MACF1: variants seen among roughly 807,000 people sequenced by gnomAD.
MACF1 encodes the protein microtubule actin crosslinking factor 1, also known as microtubule-actin cross-linking factor 1.
MACF1 carries 193 observed loss-of-function variants against 854.8 expected under a neutral mutation model. That is an observed-to-expected ratio of 0.23 (90% CI 0.20 to 0.25). The LOEUF is 0.25. Ranked by LOEUF, MACF1 falls within the 10% of genes least tolerant of loss-of-function variation. The pLI is 1.00. For missense variants in MACF1, 7,722 were observed against 8,929.1 expected (o/e 0.86, Z 5.45); for synonymous variants, 3,185 against 3,226.7 (o/e 0.99, Z 0.44).
At position 39,387,718 on chromosome 1, in the gene MACF1, T is replaced by C; in HGVS notation, c.14876T>C (p.Leu4959Pro). 1 of 1,614,172 alleles carries C rather than the reference T, an allele frequency of 6.2e-7. No individual in the cohort carries two copies. Among genetic ancestry groups the C allele is most frequent in the Non-Finnish European group, 8.5e-7 (1 of 1,180,032 alleles). The change falls in exon 58 of 101, where the codon CTG becomes CCG. Residue 4959 changes from leucine (L) to proline (P), a missense_variant. Coordinates refer to ENST00000564288, the MANE Select transcript of MACF1 (RefSeq NM_001394062.1). The stretch of plus-strand genomic sequence containing the variant: ...GAGGTGGAGAAGCGCCGCTCCCTGC[T>C]GGAAATATTGAATAGTGCTGCTGAC... Reference protein sequence around the residue: ...LNEVEKRRSLLEILNSAADIL... With the variant: ...LNEVEKRRSLPEILNSAADIL...
In MACF1 at chr1:39,484,408, C is replaced by T. The variant is rs1775654; in HGVS notation, c.22282-193C>T. Among the ~76,000 whole-genome samples, 40,315 of 151,460 alleles carry T rather than the reference C, an allele frequency of 0.27. 5,636 individuals carry two copies. Among genetic ancestry groups the T allele is most frequent in the East Asian group, 0.47 (2,427 of 5,156 alleles). On this transcript the variant is annotated intron_variant, in intron 99 of 100. Transcript: ENST00000564288. ...GACATTTTGAAATTTTTATTTGGAA[C>T]ATAAAACTTTGATTTTGGGAATTAT...
At chr1:39,086,679 G>A (rs1053049333) in intron 2 of MACF1, among the ~76,000 whole-genome samples, 3 of 152,182 alleles carry the variant, frequency 2.0e-5, no homozygotes, top group South Asian at 2.1e-4. Context: ...GGAGGCCCAC[G>A]GGATGATTTG....
chr1:39,144,654 G>T (rs1643422906), intron 2 of MACF1, among the ~76,000 whole-genome samples: 2 of 36,808 alleles, frequency 5.4e-5, no homozygotes, highest in Admixed American at 4.3e-4. Flanking sequence ...ATCAATTTTG[G>T]TCTTTTTTTT....
intron 2 of MACF1, chr1:39,120,985 G>C (rs1642692632): frequency 1.3e-5 from 2 of 152,276 alleles, no homozygotes; most frequent in African/African-American, 4.8e-5. Flanking sequence ...CCTTGTGCAG[G>C]GGCCTCCCTA....
chr1:39,300,245 C>A lies in MACF1; in HGVS notation c.2517C>A (p.Ser839=), dbSNP rs1202269669. 6.2e-7 allele frequency: 1 copy of A among 1,613,878 alleles called. No individual in the cohort carries two copies. Among genetic ancestry groups the A allele is most frequent in the Non-Finnish European group, 8.5e-7 (1 of 1,179,948 alleles). ...AGCAGCTTATACAGTCCAAGAGTTC[C>A]GTTGCCAGTCTCGTTGGGAGATCAA... is the stretch of plus-strand genomic sequence containing the variant. ...EKEQLIQSKS[S]VASLVGRSKT... The change falls in exon 22 of 101, where the codon TCC becomes TCA. Residue 839 remains serine, a synonymous_variant. Coordinates refer to ENST00000564288, the MANE Select transcript of MACF1 (RefSeq NM_001394062.1).
At chr1:39,433,630 C>A (rs1420686702) in intron 68 of MACF1, among the ~76,000 whole-genome samples, 1 of 152,118 alleles carries the variant, frequency 6.6e-6, no homozygotes, top group Non-Finnish European at 1.5e-5. Flanking sequence ...CAGAAATATT[C>A]ATAAACTGAC....
In MACF1 at chr1:39,388,595, G is replaced by T. The variant is rs947694801; in HGVS notation, c.15753G>T (p.Glu5251Asp). Residue 5251 changes from glutamate (E) to aspartate (D), a missense_variant, in exon 58 of 101, where the codon GAG becomes GAT. Physicochemically the swap from Glu to Asp is conservative, Grantham distance 45. Around this residue, in one of 15 missense-constraint regions of MACF1, gnomAD observed 2,807 missense variants for 3,235.8 expected, o/e 0.87. Coordinates refer to ENST00000564288, the MANE Select transcript of MACF1 (RefSeq NM_001394062.1). ...NDATTAAEEA[E>D]ALQWVVGTEV... ...CGACCACAGCAGCAGAGGAGGCAGA[G>T]GCCCTCCAGTGGGTAGTGGGGACCG... 6.2e-7 allele frequency: 1 copy of T among 1,613,136 alleles called. No homozygotes were observed. The highest frequency in any genetic ancestry group is 8.5e-7 in the Non-Finnish European group (1 of 1,179,786).
chr1:39,388,097 T>A lies in MACF1; in HGVS notation c.15255T>A (p.Asp5085Glu). The change falls in exon 58 of 101, where the codon GAT becomes GAA. Residue 5085 changes from aspartate (D) to glutamate (E), a missense_variant. This residue lies in a region of MACF1 where 2,807 missense variants were observed against 3,235.8 expected (regional missense o/e 0.87). Coordinates refer to ENST00000564288, the MANE Select transcript of MACF1 (RefSeq NM_001394062.1). ...GLVEDAPDGS[D>E]ASQLLHQAEV... Reference sequence around the variant, plus strand: ...TAGAAGATGCCCCAGATGGATCTGATGCTTCTCAACTTCTCCACCAAGCTG... The same window carrying A: ...TAGAAGATGCCCCAGATGGATCTGAAGCTTCTCAACTTCTCCACCAAGCTG... The A allele has an allele frequency of 1.2e-6, 2 of 1,614,144 alleles. No individual in the cohort carries two copies. Among genetic ancestry groups the A allele is most frequent in the Non-Finnish European group, 1.7e-6 (2 of 1,180,034 alleles).
Position 39,460,222 on chromosome 1 carries a change from C to T in MACF1, c.21361-410C>T, listed in dbSNP as rs1304763516. 6.6e-6 allele frequency among the ~76,000 whole-genome samples: 1 copy of T among 152,128 alleles called. No homozygotes were observed. Among genetic ancestry groups the T allele is most frequent in the Non-Finnish European group, 1.5e-5 (1 of 68,034 alleles). On this transcript the variant is annotated intron_variant, in intron 91 of 100. Coordinates refer to ENST00000564288, the MANE Select transcript of MACF1 (RefSeq NM_001394062.1). This position sits in a 1 kb window ranked among gnomAD's most constrained non-coding sequence, Gnocchi z 4.1. ...TAAACACGAGCCTCCTGATATGAGC[C>T]CTATGTGTGATTATAATGCCTTTCA... is the stretch of plus-strand genomic sequence containing the variant.
rs575428777 is a variant in MACF1 at position 39,410,289 on chromosome 1, A to G, written c.15817-12085A>G. 318 of 1,603,250 alleles carry G rather than the reference A, an allele frequency of 2.0e-4. No individual in the cohort carries two copies. The South Asian group carries it at 3.4e-3, about 17-fold the overall frequency. On this transcript the variant is annotated intron_variant, in intron 58 of 100. Coordinates refer to ENST00000564288, the MANE Select transcript of MACF1 (RefSeq NM_001394062.1). ...GGATGGGTAAGCCACTCAGCAGACC[A>G]GACTGTTTAAGGCGGAACCCCAGCT...
intron 2 of MACF1, among the ~76,000 whole-genome samples, chr1:39,090,196 C>T (rs1012003805): frequency 1.3e-5 from 2 of 152,356 alleles, no homozygotes; most frequent in Non-Finnish European, 2.9e-5. Context: ...GCCAAACTTC[C>T]TTGCCCTGAG....
intron 23 of MACF1, among the ~76,000 whole-genome samples, chr1:39,304,709 G>A (rs924936474): frequency 1.3e-5 from 2 of 151,392 alleles, no homozygotes; most frequent in Admixed American, 6.6e-5. Context: ...GACTACAGGC[G>A]CCCGTCACCA....
At chr1:39,149,082 G>A (rs1234756885) in intron 2 of MACF1, among the ~76,000 whole-genome samples, 3 of 152,218 alleles carry the variant, frequency 2.0e-5, no homozygotes, top group Non-Finnish European at 4.4e-5. Context: ...CCAGGTCAGA[G>A]GTAATGAGGA....
At chr1:39,129,127 GGGA>G (rs1642932741) in intron 2 of MACF1, among the ~76,000 whole-genome samples, 3 of 152,190 alleles carry the variant, frequency 2.0e-5, no homozygotes, top group African/African-American at 7.2e-5. Context: ...GGAAGCCTAA[GGGA>G]ACACTTACCT....
Position 39,283,266 on chromosome 1 carries a change from A to G in MACF1, c.773A>G (p.Glu258Gly). The G allele has an allele frequency of 1.2e-6, 2 of 1,613,990 alleles. No homozygotes were observed. The highest frequency in any genetic ancestry group is 2.2e-5 in the East Asian group (1 of 44,876). Reference sequence around the variant, plus strand: ...CTGGAACAGGCTTTTGAAGTGGCAGAAAGACTGGGGGTCACTCGCCTGCTG... The same window carrying G: ...CTGGAACAGGCTTTTGAAGTGGCAGGAAGACTGGGGGTCACTCGCCTGCTG... The part of the protein sequence containing the change: ...ENLEQAFEVA[E>G]RLGVTRLLDA... Residue 258 changes from glutamate (E) to glycine (G), a missense_variant, in exon 8 of 101, where the codon GAA becomes GGA. Transcript: ENST00000564288. The surrounding 1 kb of genome is among the most constrained non-coding windows in gnomAD (Gnocchi z 4.5).
chr1:39,255,957 A>G (rs1010380895), intron 5 of MACF1, among the ~76,000 whole-genome samples: 1 of 152,210 alleles, frequency 6.6e-6, no homozygotes, highest in African/African-American at 2.4e-5. Context: ...AGAACAGTGG[A>G]TTCAAAGAAG....
At chr1:39,274,928 A>G (rs1196306830) in intron 6 of MACF1, among the ~76,000 whole-genome samples, 1 of 152,236 alleles carries the variant, frequency 6.6e-6, no homozygotes, top group Non-Finnish European at 1.5e-5. Context: ...GAACAAGAAA[A>G]TGAATAAGAA....
At chr1:39,378,350 T>C (rs1649892916) in intron 52 of MACF1, 111 bp from the exon 53 acceptor site, 2 of 726,554 alleles carry the variant, frequency 2.8e-6, no homozygotes, top group Non-Finnish European at 5.0e-6. Flanking sequence ...TGTGCTGTGT[T>C]AACTTCCTGA....
intron 97 of MACF1, among the ~76,000 whole-genome samples, chr1:39,479,503 A>G (rs1251099517): frequency 1.3e-5 from 2 of 152,250 alleles, no homozygotes; most frequent in Non-Finnish European, 2.9e-5. Context: ...CTTTACCTCA[A>G]GCAGTCAGTG....
Sources: allele counts gnomAD v4.1 joint callset (sites outside exome capture counted in the v4.1 genomes callset), GRCh38; gene constraint gnomAD v4.1.1; regional missense constraint gnomAD v4.1.1; non-coding constraint Gnocchi (gnomAD v3.1); transcripts MANE v1.5; gene names NCBI Gene and HGNC (gene_info 2026-07-23, HGNC 2026-07-21).